MAGI3: variants seen among roughly 807,000 people sequenced by gnomAD.
MAGI3 encodes membrane-associated guanylate kinase, WW and PDZ domain-containing protein 3.
MAGI3 carries 43 observed loss-of-function variants against 121.8 expected under a neutral mutation model. That is an observed-to-expected ratio of 0.35 (90% CI 0.28 to 0.46). The LOEUF (loss-of-function observed/expected upper bound fraction) is 0.46. Among genes scored for constraint, MAGI3 ranks in the 20% least tolerant of loss-of-function variants. MAGI3 has a pLI of 1.00. For synonymous variants in MAGI3, 553 were observed against 639.3 expected (o/e 0.86, Z 2.04); for missense variants, 1,547 against 1,797.3 (o/e 0.86, Z 2.52).
chr1:113,530,578 T>C (rs1331613986), intron 1 of MAGI3, among the ~76,000 whole-genome samples: 1 of 150,994 alleles, frequency 6.6e-6, no homozygotes, highest in African/African-American at 2.4e-5. Context: ...ACTGCACATG[T>C]ACCCAGAAAC....
chr1:113,488,949 C>T (rs545814187), intron 1 of MAGI3, among the ~76,000 whole-genome samples: 1 of 152,224 alleles, frequency 6.6e-6, no homozygotes, highest in East Asian at 1.9e-4. Context: ...CCAGCAGGGG[C>T]CCCCTGCGCC....
intron 1 of MAGI3, among the ~76,000 whole-genome samples, chr1:113,489,007 A>G (rs1461441866): frequency 6.6e-6 from 1 of 152,158 alleles, no homozygotes; most frequent in Non-Finnish European, 1.5e-5. Context: ...ACCCACATGG[A>G]GACAGGCATC....
intron 3 of MAGI3, among the ~76,000 whole-genome samples, chr1:113,584,450 C>G (rs1032241143): frequency 1.3e-5 from 2 of 152,028 alleles, no homozygotes; most frequent in African/African-American, 4.8e-5. Context: ...TGAGAGTAAG[C>G]CAATACTGAA....
At chr1:113,634,318 A>G (rs1424862437) in intron 9 of MAGI3, among the ~76,000 whole-genome samples, 1 of 151,984 alleles carries the variant, frequency 6.6e-6, no homozygotes, top group Non-Finnish European at 1.5e-5. Flanking sequence ...GCCCATGCCT[A>G]TGTCCTGAAT....
intron 1 of MAGI3, among the ~76,000 whole-genome samples, chr1:113,426,402 A>G (rs1202448266): frequency 6.6e-6 from 1 of 152,160 alleles, no homozygotes; most frequent in Non-Finnish European, 1.5e-5. Flanking sequence ...TATTTATGTC[A>G]ATTAAATTGT....
intron 6 of MAGI3, among the ~76,000 whole-genome samples, chr1:113,602,188 A>C (rs1208817930): frequency 6.6e-6 from 1 of 151,890 alleles, no homozygotes; most frequent in Non-Finnish European, 1.5e-5. Context: ...TAACCTGCAC[A>C]TTGTGCACAT....
chr1:113,600,192 A>T (rs1391692395), intron 6 of MAGI3, among the ~76,000 whole-genome samples: 1 of 152,182 alleles, frequency 6.6e-6, no homozygotes, highest in East Asian at 1.9e-4. Context: ...CACCACTCCT[A>T]TTCAACATAG....
At chr1:113,417,176 A>G (rs1188181853) in intron 1 of MAGI3, among the ~76,000 whole-genome samples, 1 of 152,048 alleles carries the variant, frequency 6.6e-6, no homozygotes, top group Admixed American at 6.6e-5. Context: ...ATTAGTTTTG[A>G]TGAATGTATA....
intron 1 of MAGI3, among the ~76,000 whole-genome samples, chr1:113,514,110 A>C (rs1002749809): frequency 2.6e-5 from 4 of 152,168 alleles, no homozygotes; most frequent in African/African-American, 9.7e-5. Context: ...GCGATCATTA[A>C]AAAGTCAGGA....
chr1:113,481,608 G>T (rs1472196782), intron 1 of MAGI3, among the ~76,000 whole-genome samples: 1 of 151,982 alleles, frequency 6.6e-6, no homozygotes, highest in Non-Finnish European at 1.5e-5. Flanking sequence ...GCATGAATTT[G>T]TTATTACTAT....
chr1:113,426,892 A>G (rs1653033623), intron 1 of MAGI3, among the ~76,000 whole-genome samples: 1 of 152,036 alleles, frequency 6.6e-6, no homozygotes, highest in African/African-American at 2.4e-5. Flanking sequence ...TAAGGTAATT[A>G]TTAATATGTT....
chr1:113,511,583 A>G (rs533597133), intron 1 of MAGI3, among the ~76,000 whole-genome samples: 4 of 152,280 alleles, frequency 2.6e-5, no homozygotes, highest in South Asian at 4.1e-4. Flanking sequence ...TCCTTTCCCC[A>G]TTGGCTGGGT....
chr1:113,670,058 C>T (rs891231685), intron 16 of MAGI3, among the ~76,000 whole-genome samples: 2 of 151,716 alleles, frequency 1.3e-5, no homozygotes, highest in African/African-American at 4.8e-5. Flanking sequence ...ACCCTCCCTT[C>T]CTGGAATACT....
intron 1 of MAGI3, among the ~76,000 whole-genome samples, chr1:113,392,322 T>A (rs1650871223): frequency 6.6e-6 from 1 of 152,232 alleles, no homozygotes. Flanking sequence ...CCAAACTGTT[T>A]TTCCTTAATG....
intron 1 of MAGI3, among the ~76,000 whole-genome samples, chr1:113,444,273 T>C (rs114455536): frequency 0.01 from 1,540 of 152,352 alleles, 29 homozygotes; most frequent in African/African-American, 0.035. Context: ...GATTGCTATT[T>C]CTGCTCACAG....
At chr1:113,423,242 A>T (rs199826113) in intron 1 of MAGI3, among the ~76,000 whole-genome samples, 9 of 74,854 alleles carry the variant, frequency 1.2e-4, no homozygotes, top group Admixed American at 2.1e-4. Flanking sequence ...CCTGGTAAGT[A>T]TTCGTTTTTT....
Position 113,478,972 on chromosome 1 carries a change from C to G in MAGI3, c.317-70543C>G, listed in dbSNP as rs557717534. 8.5e-5 allele frequency among the ~76,000 whole-genome samples: 13 copies of G among 152,322 alleles called. No individual in the cohort carries two copies. In the South Asian group the frequency reaches 2.7e-3, roughly 32 times the overall value. ...TCAGCAATGGCAGATGCCCCTCCCC[C>G]AGCCAGGCTGCAGTCTCTCAGATCA... On this transcript the variant is annotated intron_variant, in intron 1 of 20. Transcript: ENST00000307546.
intron 9 of MAGI3, among the ~76,000 whole-genome samples, chr1:113,630,846 C>T (rs531863572): frequency 2.0e-5 from 3 of 152,246 alleles, no homozygotes; most frequent in South Asian, 2.1e-4. Context: ...GCTGGTGTCT[C>T]GTAGGTTGCA....
chr1:113,552,660 G>A (rs985590660), intron 2 of MAGI3, among the ~76,000 whole-genome samples: 1 of 152,048 alleles, frequency 6.6e-6, no homozygotes, highest in Non-Finnish European at 1.5e-5. Flanking sequence ...TCCTCAGTGT[G>A]AGGTTTTTAT....
Sources: allele counts gnomAD v4.1 joint callset (sites outside exome capture counted in the v4.1 genomes callset), GRCh38; gene constraint gnomAD v4.1.1; transcripts MANE v1.5; gene names NCBI Gene and HGNC (gene_info 2026-07-23, HGNC 2026-07-21).